The following AGTR1 variants were observed in gnomAD, a reference collection of about 807,000 sequenced individuals.
AGTR1 encodes the protein type-1 angiotensin II receptor.
AGTR1 carries 16 observed loss-of-function variants against 19.4 expected under a neutral mutation model. That is an observed-to-expected ratio of 0.82 (90% CI 0.56 to 1.25). The LOEUF (loss-of-function observed/expected upper bound fraction) is 1.25, where lower values mean the gene tolerates loss of function less well. Ranked by LOEUF, AGTR1 falls within the 50% of genes most tolerant of loss-of-function variation. AGTR1 has a pLI of 0.00. For missense variants in AGTR1, 373 were observed against 431.9 expected (o/e 0.86, Z 1.21); for synonymous variants, 153 against 154.9 (o/e 0.99, Z 0.09).
chr3:148,712,724 AGAT>A (rs1394951767), intron 2 of AGTR1, among the ~76,000 whole-genome samples: 5 of 152,242 alleles, frequency 3.3e-5, no homozygotes, highest in African/African-American at 9.6e-5. Flanking sequence ...ATGCAAATTC[AGAT>A]TATTAATCAT....
chr3:148,710,824 C>T (rs1465523283), intron 2 of AGTR1, among the ~76,000 whole-genome samples: 3 of 152,022 alleles, frequency 2.0e-5, no homozygotes, highest in African/African-American at 4.8e-5. Context: ...ATCCTGCAGG[C>T]GGATCTCTCA....
At position 148,741,889 on chromosome 3, in the gene AGTR1, C is replaced by G; in HGVS notation, c.854C>G (p.Pro285Arg). ...RIADIVDTAM[P>R]ITICIAYFNN... ...GCAGATATTGTGGACACGGCCATGCCTATCACCATTTGTATAGCTTATTTT... is the reference window on the plus strand; with the variant it reads ...GCAGATATTGTGGACACGGCCATGCGTATCACCATTTGTATAGCTTATTTT... The change falls in exon 3 of 3, where the codon CCT becomes CGT. Residue 285 changes from proline (P) to arginine (R), a missense_variant. Physicochemically the swap from Pro to Arg is moderately radical, Grantham distance 103. Transcript: ENST00000349243. 6.2e-7 allele frequency: 1 copy of G among 1,614,120 alleles called. No homozygotes were observed. The highest frequency in any genetic ancestry group is 8.5e-7 in the Non-Finnish European group (1 of 1,180,012).
At chr3:148,739,707 C>T in intron 2 of AGTR1, 5 of 1,132,740 alleles carry the variant, frequency 4.4e-6, no homozygotes, top group African/African-American at 1.6e-5. Flanking sequence ...GTGAACACTA[C>T]TCTAAGAACA....
In AGTR1 at chr3:148,742,099, G is replaced by A. The variant is rs201891355; in HGVS notation, c.1064G>A (p.Cys355Tyr). The change falls in exon 3 of 3, where the codon TGT (cysteine) becomes TAT (tyrosine). Residue 355 changes from cysteine (C) to tyrosine (Y), a missense_variant. Physicochemically the swap from Cys to Tyr is radical, Grantham distance 194. Coordinates refer to ENST00000349243, the MANE Select transcript of AGTR1 (RefSeq NM_000685.5). ...TCATCCACCAAGAAGCCTGCACCAT[G>A]TTTTGAGGTTGAGTGACATGTTCGA... ...VSSSTKKPAP[C>Y]FEVE 6.2e-7 allele frequency: 1 copy of A among 1,613,892 alleles called. No individual in the cohort carries two copies. Among genetic ancestry groups the A allele is most frequent in the East Asian group, 2.2e-5 (1 of 44,884 alleles).
At chr3:148,729,325 A>G (rs540111927) in intron 2 of AGTR1, among the ~76,000 whole-genome samples, 64 of 152,336 alleles carry the variant, frequency 4.2e-4, no homozygotes, top group African/African-American at 1.5e-3. Context: ...CCACTTCCCT[A>G]CATAGCCTTC....
chr3:148,741,585 T>C lies in AGTR1; in HGVS notation c.550T>C (p.Tyr184His), dbSNP rs775127751. 8 of 1,613,974 alleles carry C rather than the reference T, an allele frequency of 5.0e-6. No homozygotes were observed. The Admixed American group carries it at 8.3e-5, about 17-fold the overall frequency. Residue 184 changes from tyrosine to histidine, a missense_variant, in exon 3 of 3, where the codon TAT becomes CAT. By Grantham distance (83) the Tyr-to-His change is moderately conservative. Coordinates refer to ENST00000349243, the MANE Select transcript of AGTR1 (RefSeq NM_000685.5). ...NTNITVCAFH[Y>H]ESQNSTLPIG... ...CAATATTACAGTTTGTGCTTTCCAT[T>C]ATGAGTCCCAAAATTCAACCCTCCC...
Position 148,741,566 on chromosome 3 carries a change from TAC to T in AGTR1, c.533_534del (p.Thr178SerfsTer7). The T allele has an allele frequency of 6.2e-7, 1 of 1,614,112 alleles. No homozygotes were observed. Among genetic ancestry groups the T allele is most frequent in the South Asian group, 1.1e-5 (1 of 91,082 alleles). The stretch of plus-strand genomic sequence containing the variant: ...TATTTTTCATTGAGAACACCAATAT[TAC>T]AGTTTGTGCTTTCCATTATGAGTCC... ...NVFFIENTNI[T>X]VCAFHYESQN... On this transcript the variant is annotated frameshift_variant, in exon 3 of 3. Transcript: ENST00000349243. LOFTEE classifies it high-confidence loss of function.
chr3:148,734,639 G>A (rs1714466867), intron 2 of AGTR1, among the ~76,000 whole-genome samples: 1 of 152,126 alleles, frequency 6.6e-6, no homozygotes, highest in Non-Finnish European at 1.5e-5. Flanking sequence ...TAGCAGGGGT[G>A]AACAAAATCA....
intron 2 of AGTR1, among the ~76,000 whole-genome samples, chr3:148,734,525 G>A (rs1714460655): frequency 6.6e-6 from 1 of 152,186 alleles, no homozygotes. Context: ...ATATCAGAGA[G>A]CCATTTATTA....
chr3:148,730,048 A>G (rs1481786749), intron 2 of AGTR1: 5 of 387,720 alleles, frequency 1.3e-5, no homozygotes, highest in African/African-American at 1.0e-4. Context: ...CCAAAGCTCT[A>G]GGGTCTCATA....
chr3:148,729,875 C>G (rs1576535642), intron 2 of AGTR1, among the ~76,000 whole-genome samples: 1 of 152,290 alleles, frequency 6.6e-6, no homozygotes, highest in East Asian at 1.9e-4. Context: ...TCAGCCTCCC[C>G]TCTCTGAGTC....
chr3:148,700,760 C>A (rs1461840143), intron 1 of AGTR1, among the ~76,000 whole-genome samples: 15 of 152,200 alleles, frequency 9.9e-5, no homozygotes, highest in Admixed American at 9.8e-4. Flanking sequence ...AGCTTAGGAA[C>A]ACTTTTCTCC....
rs12721249 is a variant in AGTR1, at chr3:148,700,594, A to G, written c.-132+2467A>G. Among the ~76,000 whole-genome samples, 518 of 152,320 alleles carry G rather than the reference A, an allele frequency of 3.4e-3. 1 individual carries two copies. The highest frequency in any genetic ancestry group is 0.012 in the African/African-American group (480 of 41,568). ...GTCAGTCATGACTGGAGAATGCCAA[A>G]GAGTCTCCCAAGTAGGCTACCAAAT... On this transcript the variant is annotated intron_variant, in intron 1 of 2. Coordinates refer to ENST00000349243, the MANE Select transcript of AGTR1 (RefSeq NM_000685.5).
At chr3:148,713,905 C>G (rs1026166603) in intron 2 of AGTR1, among the ~76,000 whole-genome samples, 1 of 152,158 alleles carries the variant, frequency 6.6e-6, no homozygotes, top group East Asian at 1.9e-4. Flanking sequence ...GTGTTTCACA[C>G]AGTTATTTAA....
rs1714850685 is a variant in AGTR1, at chr3:148,741,164, AT to A, written c.132del (p.Phe44LeufsTer7). On this transcript the variant is annotated frameshift_variant, in exon 3 of 3. Transcript: ENST00000349243. LOFTEE classifies it high-confidence loss of function. ...LYSIIFVVGIFGNSLVVIVIY... is the reference protein window; with the variant it reads ...LYSIIFVVGIXGNSLVVIVIY... Reference sequence around the variant, plus strand: ...ACAGTATCATCTTTGTGGTGGGAATATTTGGAAACAGCTTGGTGGTGATAGT... The same window carrying A: ...ACAGTATCATCTTTGTGGTGGGAATATTGGAAACAGCTTGGTGGTGATAGT... The A allele has an allele frequency of 6.2e-7, 1 of 1,614,048 alleles. No individual in the cohort carries two copies. Among genetic ancestry groups the A allele is most frequent in the African/African-American group, 1.3e-5 (1 of 74,934 alleles).
chr3:148,737,107 TC>T (rs1415855326), intron 2 of AGTR1, among the ~76,000 whole-genome samples: 1 of 152,170 alleles, frequency 6.6e-6, no homozygotes, highest in Non-Finnish European at 1.5e-5. Flanking sequence ...TTTATTTCTT[TC>T]CTTAGAAACA....
chr3:148,702,385 A>G (rs1222791889), intron 1 of AGTR1, among the ~76,000 whole-genome samples: 1 of 152,218 alleles, frequency 6.6e-6, no homozygotes, highest in Middle Eastern at 3.2e-3. Flanking sequence ...TTGGAAAATG[A>G]AGAATTATGT....
At chr3:148,736,067 A>G (rs555086265) in intron 2 of AGTR1, among the ~76,000 whole-genome samples, 82 of 152,322 alleles carry the variant, frequency 5.4e-4, no homozygotes, top group African/African-American at 1.9e-3. Context: ...CTTGTAATGA[A>G]CAATTTAATT....
intron 2 of AGTR1, among the ~76,000 whole-genome samples, chr3:148,738,561 G>A (rs1239813554): frequency 6.6e-6 from 1 of 152,132 alleles, no homozygotes; most frequent in Non-Finnish European, 1.5e-5. Flanking sequence ...AAAATAGTAA[G>A]ATGAACTGGA....
Sources: allele counts gnomAD v4.1 joint callset (sites outside exome capture counted in the v4.1 genomes callset), GRCh38; gene constraint gnomAD v4.1.1; transcripts MANE v1.5; gene names NCBI Gene and HGNC (gene_info 2026-07-23, HGNC 2026-07-21).